The following ACER1 variants were observed in gnomAD, a reference collection of about 807,000 sequenced individuals.
ACER1 encodes CTB-180A7.3.
In ACER1, 28 loss-of-function variants were observed where a neutral mutation model predicts 24.9. The ratio of observed to expected loss-of-function variants is 1.13; its 90% CI spans 0.83 to 1.54. The LOEUF (loss-of-function observed/expected upper bound fraction) is 1.54, where lower values mean the gene tolerates loss of function less well. Among genes scored for constraint, ACER1 ranks in the 40% most tolerant of loss-of-function variants. The probability of loss-of-function intolerance (pLI) is 0.00; values close to 1 mark genes in which losing one functional copy is unlikely to be tolerated. For missense variants in ACER1, 352 were observed against 349.3 expected (o/e 1.01, Z -0.06); for synonymous variants, 132 against 131.4 (o/e 1.00, Z -0.03).
rs186503420 is a variant in ACER1, at chr19:6,322,853, G to A, written c.94-10354C>T. On this transcript the variant is annotated intron_variant, in intron 1 of 5. Transcript: ENST00000301452. Reference sequence around the variant, plus strand: ...CAGCCGGGCGTGGTGGCTAATGCCTGTAATCCCAGCACTTTGGGAGAACAA... The same window carrying A: ...CAGCCGGGCGTGGTGGCTAATGCCTATAATCCCAGCACTTTGGGAGAACAA... 4.1e-4 allele frequency among the ~76,000 whole-genome samples: 62 copies of A among 152,274 alleles called. 1 individual carries two copies. In the East Asian group the frequency reaches 0.011, roughly 28 times the overall value.
At chr19:6,355,091 C>A in the ACER1 span, among the ~76,000 whole-genome samples, 1 of 152,236 alleles carries the variant, frequency 6.6e-6, no homozygotes, top group South Asian at 2.1e-4. Flanking sequence ...TCCAGAGGTG[C>A]CGGGATTGCA....
intron 1 of ACER1, among the ~76,000 whole-genome samples, chr19:6,327,805 G>A (rs1367221370): frequency 1.3e-5 from 2 of 151,848 alleles, no homozygotes; most frequent in South Asian, 2.1e-4. Flanking sequence ...GGCCAGGCAC[G>A]GTGGCTTGTG....
Position 6,329,354 on chromosome 19 carries a change from GAT to G in ACER1, c.93+4103_93+4104del, listed in dbSNP as rs112392019. 6.3e-3 allele frequency among the ~76,000 whole-genome samples: 219 copies of G among 35,022 alleles called. 1 individual carries two copies. The highest frequency in any genetic ancestry group is 0.022 in the African/African-American group (142 of 6,352). 23.0% of individuals were successfully genotyped at this position (35,022 alleles called of 152,430 possible). A position where few individuals can be genotyped will look rare whatever the true frequency, so the allele number is the denominator to read the frequency against. ...TGACCTGTTTGGAGAGAGGCTTTTT[GAT>G]ATAGAATAGAATAGAATAGAATAGA... On this transcript the variant is annotated intron_variant, in intron 1 of 5. Transcript: ENST00000301452.
upstream of ACER1, among the ~76,000 whole-genome samples, chr19:6,336,767 C>A (rs1016933201): frequency 6.7e-5 from 10 of 148,944 alleles, no homozygotes; most frequent in Non-Finnish European, 1.5e-4. Context: ...TAGTAGTGAG[C>A]CGAGATCACG....
intron 1 of ACER1, among the ~76,000 whole-genome samples, chr19:6,327,831 C>T (rs990295639): frequency 1.3e-5 from 2 of 151,920 alleles, no homozygotes; most frequent in Non-Finnish European, 2.9e-5. Context: ...AATCCCAGCA[C>T]TTTGGGAGGC....
rs2091698848 is a variant in ACER1, at chr19:6,333,451, GCACT to G, written c.93+4_93+7del. ...TGGCGAGACTCCTTCACACACCCACGCACTCACCGTGTTGTAGAACTCGGCCACC... is the reference window on the plus strand; with the variant it reads ...TGGCGAGACTCCTTCACACACCCACGCACCGTGTTGTAGAACTCGGCCACC... On this transcript the variant is annotated splice_donor_5th_base_variant and intron_variant, in intron 1 of 5. Transcript: ENST00000301452. The G allele has an allele frequency of 6.3e-7, 1 of 1,579,490 alleles. No homozygotes were observed. The highest frequency in any genetic ancestry group is 8.6e-7 in the Non-Finnish European group (1 of 1,161,230).
At chr19:6,358,015 G>A in the ACER1 span, among the ~76,000 whole-genome samples, 33 of 152,218 alleles carry the variant, frequency 2.2e-4, no homozygotes, top group East Asian at 9.7e-4. Flanking sequence ...GGCAGCGTCC[G>A]GAGGAGTGAA....
chr19:6,359,022 A>G, the ACER1 span, among the ~76,000 whole-genome samples: 1 of 151,792 alleles, frequency 6.6e-6, no homozygotes, highest in African/African-American at 2.4e-5. Context: ...ACTTAAGTCC[A>G]GGAGTTCAAG....
intron 1 of ACER1, among the ~76,000 whole-genome samples, chr19:6,315,535 A>T (rs1325248561): frequency 6.6e-6 from 1 of 151,956 alleles, no homozygotes. Context: ...GCACGCCGCC[A>T]CACCTGGCTA....
At chr19:6,343,513 TG>T in the ACER1 span, among the ~76,000 whole-genome samples, 2 of 151,956 alleles carry the variant, frequency 1.3e-5, no homozygotes, top group Non-Finnish European at 2.9e-5. Context: ...ACTCACAAAA[TG>T]TGGGCTTCCT....
At chr19:6,328,642 G>A (rs1303025269) in intron 1 of ACER1, among the ~76,000 whole-genome samples, 1 of 151,784 alleles carries the variant, frequency 6.6e-6, no homozygotes, top group East Asian at 1.9e-4. Context: ...GCCCAGCCTG[G>A]CAGCATAGCA....
In ACER1 at chr19:6,333,607, G is replaced by T; in HGVS notation, c.-56C>A. On this transcript the variant is annotated 5_prime_UTR_variant, in exon 1 of 6. Transcript: ENST00000301452. ...CGCCCGGCAGAGAGAAGGCGAGCTTGGGAAGGCTGGGCCCTGATGAGGCGG... is the reference window on the plus strand; with the variant it reads ...CGCCCGGCAGAGAGAAGGCGAGCTTTGGAAGGCTGGGCCCTGATGAGGCGG... The T allele has an allele frequency of 6.8e-7, 1 of 1,470,392 alleles. No homozygotes were observed. The allele number at this position is 1,470,392 out of a possible 1,614,324, so 91.1% of individuals were successfully genotyped here.
the ACER1 span, among the ~76,000 whole-genome samples, chr19:6,350,609 G>A: frequency 8.1e-5 from 12 of 148,366 alleles, no homozygotes; most frequent in African/African-American, 2.5e-4. Flanking sequence ...GAAGGAAGGA[G>A]GGAGGGAGGG....
At chr19:6,323,986 C>T (rs942759477) in intron 1 of ACER1, among the ~76,000 whole-genome samples, 2 of 152,110 alleles carry the variant, frequency 1.3e-5, no homozygotes, top group African/African-American at 2.4e-5. Flanking sequence ...TTGGAGATGG[C>T]AGCACTGCAG....
chr19:6,334,208 C>T (rs1261832036), upstream of ACER1, among the ~76,000 whole-genome samples: 1 of 152,116 alleles, frequency 6.6e-6, no homozygotes, highest in Non-Finnish European at 1.5e-5. Flanking sequence ...CCACGACCGG[C>T]TAATTTTTTG....
At chr19:6,308,972 G>A (rs906340876) in intron 4 of ACER1, among the ~76,000 whole-genome samples, 1 of 152,028 alleles carries the variant, frequency 6.6e-6, no homozygotes, top group African/African-American at 2.4e-5. Context: ...GCCGAGGTGG[G>A]CAGATCACCT....
chr19:6,340,921 C>A, the ACER1 span, among the ~76,000 whole-genome samples: 1 of 152,040 alleles, frequency 6.6e-6, no homozygotes, highest in African/African-American at 2.4e-5. Flanking sequence ...TATCATCTTA[C>A]CTTTCTACAG....
At chr19:6,355,710 C>T in the ACER1 span, among the ~76,000 whole-genome samples, 1 of 140,960 alleles carries the variant, frequency 7.1e-6, no homozygotes, top group African/African-American at 2.8e-5. Context: ...AAGTGAGGAG[C>T]CCCTCTGCCC....
the ACER1 span, among the ~76,000 whole-genome samples, chr19:6,357,534 G>A: frequency 1.3e-5 from 2 of 152,044 alleles, no homozygotes; most frequent in African/African-American, 2.4e-5. Context: ...GACTTTGGGA[G>A]GCTGACGCAC....
Sources: gnomAD v4.1 joint callset for allele counts (sites outside exome capture counted in the v4.1 genomes callset) on GRCh38, gnomAD v4.1.1 for gene constraint, MANE v1.5 for transcripts, NCBI Gene and HGNC (gene_info 2026-07-23, HGNC 2026-07-21) for gene names.